SLC25A21: variants seen among roughly 807,000 people sequenced by gnomAD.
SLC25A21 encodes solute carrier family 25 member 21.
A neutral mutation model predicts 43.8 loss-of-function variants in SLC25A21; 47 were observed. The observed-to-expected ratio is 1.07, with a 90% CI of 0.85 to 1.37. SLC25A21 has a LOEUF of 1.37. Among genes scored for constraint, SLC25A21 ranks in the 40% most tolerant of loss-of-function variants. The pLI, the probability that SLC25A21 is intolerant of heterozygous loss-of-function variation, is 0.00. For missense variants in SLC25A21, 352 were observed against 350.2 expected, an observed-to-expected ratio of 1.00 and a Z score of -0.04; for synonymous variants, 131 against 121.3, an observed-to-expected ratio of 1.08 and a Z score of -0.52.
chr14:36,691,524 C>T (rs1882794030), intron 7 of SLC25A21, among the ~76,000 whole-genome samples: 1 of 152,164 alleles, frequency 6.6e-6, no homozygotes, highest in Admixed American at 6.5e-5. Flanking sequence ...AACCATTTTA[C>T]TTCAACACTT....
At chr14:36,928,549 T>C (rs1892195220) in intron 1 of SLC25A21, among the ~76,000 whole-genome samples, 1 of 152,168 alleles carries the variant, frequency 6.6e-6, no homozygotes, top group Admixed American at 6.6e-5. Flanking sequence ...TCAAATGTAT[T>C]TATCCACAAT....
intron 1 of SLC25A21, among the ~76,000 whole-genome samples, chr14:36,895,173 A>G (rs1891201406): frequency 6.6e-6 from 1 of 152,092 alleles, no homozygotes; most frequent in South Asian, 2.1e-4. Context: ...CTGGTCCTGG[A>G]CTTTTTTCGG....
chr14:36,778,806 CAT>C (rs1482226966), intron 3 of SLC25A21, among the ~76,000 whole-genome samples: 9 of 152,170 alleles, frequency 5.9e-5, no homozygotes, highest in Admixed American at 5.2e-4. Context: ...CTTCACCTCA[CAT>C]AGTTACTTTT....
chr14:37,055,751 T>G (rs1266063018), intron 1 of SLC25A21, among the ~76,000 whole-genome samples: 2 of 152,230 alleles, frequency 1.3e-5, no homozygotes, highest in Non-Finnish European at 2.9e-5. Context: ...ATTCCTATTT[T>G]ACTCTGTTTT....
chr14:36,990,109 AT>A (rs34124853), intron 1 of SLC25A21, among the ~76,000 whole-genome samples: 13,320 of 152,168 alleles, frequency 0.088, 664 homozygotes, highest in African/African-American at 0.13. Flanking sequence ...AGCATTTTCT[AT>A]TTTTTAGGGT....
chr14:36,933,005 T>C (rs1348465201), intron 1 of SLC25A21, among the ~76,000 whole-genome samples: 2 of 152,104 alleles, frequency 1.3e-5, no homozygotes, highest in South Asian at 2.1e-4. Flanking sequence ...TGTTGTTTGG[T>C]AGAATTACAT....
At chr14:36,768,058 C>G (rs1227849791) in intron 3 of SLC25A21, among the ~76,000 whole-genome samples, 2 of 152,172 alleles carry the variant, frequency 1.3e-5, no homozygotes. Context: ...GCCTGCAGCT[C>G]TGTACTCTAA....
chr14:37,102,989 C>CA (rs575225934), intron 1 of SLC25A21, among the ~76,000 whole-genome samples: 8,543 of 122,072 alleles, frequency 0.07, 768 homozygotes, highest in African/African-American at 0.22. Flanking sequence ...GACTGTGTCT[C>CA]AAAAAAAAAA....
chr14:36,974,732 C>G lies in SLC25A21; in HGVS notation c.71-99728G>C, dbSNP rs113614118. Among the ~76,000 whole-genome samples, 528 of 152,056 alleles carry G rather than the reference C, an allele frequency of 3.5e-3. 7 individuals carry two copies. Among genetic ancestry groups the G allele is most frequent in the African/African-American group, 0.012 (509 of 41,398 alleles). On this transcript the variant is annotated intron_variant, in intron 1 of 9. Transcript: ENST00000331299. ...AGCCAAAAAGCTATAATATATATGT[C>G]AAGTAAAACACAAGAAAACAAAAAG...
intron 4 of SLC25A21, among the ~76,000 whole-genome samples, chr14:36,729,775 C>G (rs1000951595): frequency 1.3e-5 from 2 of 152,156 alleles, no homozygotes; most frequent in African/African-American, 4.8e-5. Context: ...TAATAACCTA[C>G]AGAAGAGCTG....
chr14:36,728,112 C>T (rs961129137), intron 5 of SLC25A21, among the ~76,000 whole-genome samples: 5 of 152,126 alleles, frequency 3.3e-5, no homozygotes, highest in Admixed American at 1.3e-4. Flanking sequence ...ATTTACTGTT[C>T]GGTTTCCAGT....
chr14:37,118,105 C>T lies in SLC25A21; in HGVS notation c.70+54176G>A, dbSNP rs897047451. 3.9e-5 allele frequency among the ~76,000 whole-genome samples: 6 copies of T among 152,096 alleles called. No individual in the cohort carries two copies. In the South Asian group the frequency reaches 1.0e-3, roughly 26 times the overall value. ...GAGGATGGTAGGAACCCGAATTATA[C>T]TAACGTACAGATGTAATGGATTACC... is the stretch of plus-strand genomic sequence containing the variant. On this transcript the variant is annotated intron_variant, in intron 1 of 9. Transcript: ENST00000331299.
chr14:37,067,223 T>C (rs1301880083), intron 1 of SLC25A21, among the ~76,000 whole-genome samples: 1 of 152,208 alleles, frequency 6.6e-6, no homozygotes, highest in East Asian at 1.9e-4. Flanking sequence ...GAATTTTGAA[T>C]AGGCAAATAA....
chr14:36,972,720 C>G (rs1221981154), intron 1 of SLC25A21, among the ~76,000 whole-genome samples: 1 of 152,114 alleles, frequency 6.6e-6, no homozygotes, highest in East Asian at 1.9e-4. Flanking sequence ...AAAGCAAGAT[C>G]AGAGAAATCC....
At chr14:36,832,790 A>G (rs925638516) in intron 2 of SLC25A21, among the ~76,000 whole-genome samples, 1 of 152,228 alleles carries the variant, frequency 6.6e-6, no homozygotes, top group African/African-American at 2.4e-5. Context: ...TGTGAAAATT[A>G]TCACTTCAAA....
chr14:37,098,809 T>TG (rs1566880549), intron 1 of SLC25A21, among the ~76,000 whole-genome samples: 1 of 146,910 alleles, frequency 6.8e-6, no homozygotes, highest in Non-Finnish European at 1.5e-5. Context: ...AGATAGATTT[T>TG]TTTTTTTTTT....
At chr14:36,775,307 A>T (rs1043215355) in intron 3 of SLC25A21, among the ~76,000 whole-genome samples, 8 of 152,224 alleles carry the variant, frequency 5.3e-5, no homozygotes, top group African/African-American at 1.9e-4. Flanking sequence ...GAATATTTAG[A>T]TAGATTCACT....
rs186114933 is a variant in SLC25A21, at chr14:36,703,574, T to A, written c.603+7744A>T. On this transcript the variant is annotated intron_variant, in intron 7 of 9. Transcript: ENST00000331299. ...GCAAAATTCAACACAAAAGGTCTAT[T>A]GTTTTCTGCAAAATAACCTGCAAAC... Among the ~76,000 whole-genome samples, 275 of 152,336 alleles carry A rather than the reference T, an allele frequency of 1.8e-3. 1 individual carries two copies. The highest frequency in any genetic ancestry group is 7.5e-3 in the South Asian group (36 of 4,828).
chr14:36,948,691 G>A (rs909806204), intron 1 of SLC25A21, among the ~76,000 whole-genome samples: 12 of 152,118 alleles, frequency 7.9e-5, no homozygotes, highest in Non-Finnish European at 1.5e-4. Flanking sequence ...AGTGGCAATT[G>A]TGCACTTGAA....
Sources: gnomAD v4.1 joint callset for allele counts (sites outside exome capture counted in the v4.1 genomes callset) on GRCh38, gnomAD v4.1.1 for gene constraint, MANE v1.5 for transcripts, NCBI Gene and HGNC (gene_info 2026-07-23, HGNC 2026-07-21) for gene names.